Variants in DCDC1 observed in about 807,000 individuals in gnomAD.
The protein encoded by DCDC1 is doublecortin domain-containing protein 1.
A neutral mutation model predicts 178.3 loss-of-function variants in DCDC1; 200 were observed. That is an observed-to-expected ratio of 1.12 (90% confidence interval 1.00 to 1.26). The LOEUF (loss-of-function observed/expected upper bound fraction) is 1.26. DCDC1 is among the 50% of genes most tolerant of loss of function. The pLI is 0.00. For missense variants in DCDC1, 1,983 were observed against 1,749.2 expected, an observed-to-expected ratio of 1.13 and a Z score of -2.38; for synonymous variants, 690 against 604.8, an observed-to-expected ratio of 1.14 and a Z score of -2.07.
chr11:31,087,619 C>T (rs1208695003), intron 17 of DCDC1, among the ~76,000 whole-genome samples: 1 of 151,990 alleles, frequency 6.6e-6, no homozygotes, highest in African/African-American at 2.4e-5. Context: ...TAAATGTGTT[C>T]AAATATCTGG....
At chr11:31,277,876 T>C (rs1320328021) in intron 7 of DCDC1, among the ~76,000 whole-genome samples, 4 of 152,164 alleles carry the variant, frequency 2.6e-5, no homozygotes, top group Non-Finnish European at 5.9e-5. Context: ...CTTTTCATTT[T>C]TATAATGCTG....
At chr11:31,121,022 G>A (rs1226071469) in intron 11 of DCDC1, among the ~76,000 whole-genome samples, 1 of 152,154 alleles carries the variant, frequency 6.6e-6, no homozygotes, top group Non-Finnish European at 1.5e-5. Flanking sequence ...GGTAGTGGCA[G>A]TGACAGGGAA....
chr11:30,931,401 CTT>C (rs576587443), intron 22 of DCDC1, among the ~76,000 whole-genome samples: 192 of 152,096 alleles, frequency 1.3e-3, no homozygotes, highest in Non-Finnish European at 2.4e-3. Flanking sequence ...TATAATTTAA[CTT>C]ATATAAGGAG....
At chr11:31,170,753 C>T (rs895965001) in intron 9 of DCDC1, among the ~76,000 whole-genome samples, 14 of 152,178 alleles carry the variant, frequency 9.2e-5, no homozygotes, top group African/African-American at 2.9e-4. Context: ...TCTTTAGGCA[C>T]AAGAGGCTAT....
rs200839019 is a variant in DCDC1, at chr11:31,307,713, G to C, written c.360C>G (p.Asn120Lys). Residue 120 changes from asparagine (N) to lysine (K), a missense_variant, in exon 4 of 39, where the codon AAC becomes AAG. By Grantham distance (94) the Asn-to-Lys change is moderately conservative (BLOSUM62 0). Transcript: ENST00000684477. ...ATATAGAACAAGAATTGTTTTTACT[G>C]TTTGATTTGTAGCTATCTAGGTCTG... ...EISDLDSYKS[N>K]SKNNSCSISA... The C allele has an allele frequency of 3.8e-5, 61 of 1,613,922 alleles. 2 individuals are homozygous for C. In the South Asian group the frequency reaches 6.3e-4, roughly 17 times the overall value.
chr11:31,263,885 A>G (rs1000610320), intron 8 of DCDC1, among the ~76,000 whole-genome samples: 3 of 152,220 alleles, frequency 2.0e-5, no homozygotes, highest in African/African-American at 7.2e-5. Context: ...ATGAAGTTAT[A>G]GGACCATTTC....
At chr11:30,991,235 A>G (rs771053024) in intron 20 of DCDC1, among the ~76,000 whole-genome samples, 15 of 152,174 alleles carry the variant, frequency 9.9e-5, no homozygotes, top group Non-Finnish European at 1.8e-4. Flanking sequence ...GAGAGGCAGC[A>G]TAGCTGGGAG....
At chr11:31,216,017 C>T (rs1178936019) in intron 9 of DCDC1, among the ~76,000 whole-genome samples, 3 of 152,006 alleles carry the variant, frequency 2.0e-5, no homozygotes, top group Non-Finnish European at 4.4e-5. Context: ...GAGTTCCTGC[C>T]CTCTTCCCTT....
At chr11:31,319,334 G>A (rs1949241494) in intron 3 of DCDC1, among the ~76,000 whole-genome samples, 1 of 53,858 alleles carries the variant, frequency 1.9e-5, no homozygotes, top group Admixed American at 2.0e-4. Context: ...TTATGAATCT[G>A]GGTGCTCCTG....
At chr11:31,120,713 C>G (rs963698753) in intron 11 of DCDC1, among the ~76,000 whole-genome samples, 1 of 152,040 alleles carries the variant, frequency 6.6e-6, no homozygotes, top group Non-Finnish European at 1.5e-5. Flanking sequence ...CTGTACTCAT[C>G]TTCCTCTCAT....
intron 20 of DCDC1, among the ~76,000 whole-genome samples, chr11:30,954,332 A>T (rs61878161): frequency 2.5e-3 from 384 of 152,258 alleles, no homozygotes; most frequent in Non-Finnish European, 4.4e-3. Flanking sequence ...AACAATTCTA[A>T]TGAATAAATT....
chr11:31,039,407 A>G (rs1234516585), intron 20 of DCDC1, among the ~76,000 whole-genome samples: 2 of 152,176 alleles, frequency 1.3e-5, no homozygotes, highest in Non-Finnish European at 2.9e-5. Context: ...CTAAGTTTCA[A>G]CTGTTTCAGA....
chr11:31,281,865 A>G (rs1946460396), intron 7 of DCDC1, among the ~76,000 whole-genome samples: 3 of 152,004 alleles, frequency 2.0e-5, no homozygotes, highest in Admixed American at 2.0e-4. Context: ...AGTCCAATAA[A>G]CCTCTTTCTT....
chr11:30,923,401 C>CTTTTTTT (rs10637054), intron 23 of DCDC1, among the ~76,000 whole-genome samples: 1 of 130,596 alleles, frequency 7.7e-6, no homozygotes, highest in South Asian at 2.4e-4. Flanking sequence ...TCCTCTTCTC[C>CTTTTTTT]TTTTTTTTTT....
chr11:31,213,242 G>C (rs752026954), intron 9 of DCDC1, among the ~76,000 whole-genome samples: 4 of 148,982 alleles, frequency 2.7e-5, no homozygotes, highest in Non-Finnish European at 4.4e-5. Flanking sequence ...CAGTCTGGTT[G>C]GATATTTTCT....
At chr11:30,968,153 G>A (rs1393117664) in intron 20 of DCDC1, among the ~76,000 whole-genome samples, 2 of 152,094 alleles carry the variant, frequency 1.3e-5, no homozygotes, top group Non-Finnish European at 2.9e-5. Context: ...AATGGAATAG[G>A]TACCAGTGAC....
At chr11:31,258,815 G>A (rs1006217191) in intron 8 of DCDC1, among the ~76,000 whole-genome samples, 1 of 152,132 alleles carries the variant, frequency 6.6e-6, no homozygotes, top group African/African-American at 2.4e-5. Flanking sequence ...GACAGAAGCT[G>A]TTACAGCAAC....
chr11:30,932,425 T>G (rs954442974), intron 21 of DCDC1, among the ~76,000 whole-genome samples: 3 of 152,252 alleles, frequency 2.0e-5, no homozygotes, highest in Admixed American at 6.5e-5. Flanking sequence ...CACGTTTCAG[T>G]TGTAGAATTC....
chr11:31,217,564 T>A (rs1973743905), intron 9 of DCDC1, among the ~76,000 whole-genome samples: 1 of 152,114 alleles, frequency 6.6e-6, no homozygotes, highest in African/African-American at 2.4e-5. Context: ...CCAAATGTTA[T>A]CACTGGAAAC....
Sources: allele counts gnomAD v4.1 joint callset (sites outside exome capture counted in the v4.1 genomes callset), GRCh38; gene constraint gnomAD v4.1.1; transcripts MANE v1.5; gene names NCBI Gene and HGNC (gene_info 2026-07-23, HGNC 2026-07-21).